TIGIT: variants seen among roughly 807,000 people sequenced by gnomAD.
TIGIT encodes the protein T-cell immunoreceptor with Ig and ITIM domains.
Under a neutral mutation model 19.6 loss-of-function variants are expected in TIGIT, and 11 were observed. The observed-to-expected ratio is 0.56, with a 90% CI of 0.35 to 0.93. TIGIT has a LOEUF of 0.93. Ranked by LOEUF, TIGIT falls within the 40% of genes least tolerant of loss-of-function variation. The pLI is 0.01. For synonymous variants in TIGIT, 130 were observed against 125.5 expected (o/e 1.04, Z -0.24); for missense variants, 295 against 303.9 (o/e 0.97, Z 0.22).
chr3:114,304,922 G>A (rs1308182738), intron 3 of TIGIT, among the ~76,000 whole-genome samples: 4 of 152,100 alleles, frequency 2.6e-5, no homozygotes, highest in Non-Finnish European at 5.9e-5. Flanking sequence ...ATTTACCTAG[G>A]CTTAGAATCA....
At position 114,299,659 on chromosome 3, in the gene TIGIT, G is replaced by A. The variant is rs2078479641; in HGVS notation, c.454G>A (p.Val152Ile). The part of the protein sequence containing the change: ...LLGAMAATLV[V>I]ICTAVIVVVA... ...TGGAGCCATGGCCGCGACGCTGGTG[G>A]TCATCTGCACAGCAGTCATCGTGGT... Residue 152 changes from valine (V) to isoleucine (I), a missense_variant, in exon 3 of 4, where the codon GTC becomes ATC. Transcript: ENST00000383671. 1.9e-6 allele frequency: 3 copies of A among 1,613,382 alleles called. No homozygotes were observed. Among genetic ancestry groups the A allele is most frequent in the Non-Finnish European group, 2.5e-6 (3 of 1,179,982 alleles).
rs61741540 is a variant in TIGIT at position 114,295,753 on chromosome 3, C to T, written c.270C>T (p.Gly90=). ...AGGATCGAGTGGCCCCAGGTCCCGG[C>T]CTGGGCCTCACCCTCCAGTCGCTGA... ...SFKDRVAPGP[G]LGLTLQSLTV... is the part of the protein sequence containing the mutation. The change falls in exon 2 of 4, where the codon GGC becomes GGT. Residue 90 remains glycine (G), a synonymous_variant. Transcript: ENST00000383671. 14,970 of 1,614,174 alleles carry T rather than the reference C, an allele frequency of 9.3e-3. 108 individuals carry two copies. The highest frequency in any genetic ancestry group is 9.7e-3 in the Non-Finnish European group (11,424 of 1,180,032).
chr3:114,294,521 G>A (rs576508546), intron 1 of TIGIT, among the ~76,000 whole-genome samples: 4 of 152,162 alleles, frequency 2.6e-5, no homozygotes, highest in Non-Finnish European at 5.9e-5. Context: ...AATTGAAAAT[G>A]TCTTTTTCAC....
In TIGIT at chr3:114,297,098, G is replaced by A. The variant is rs566791761; in HGVS notation, c.391+1224G>A. On this transcript the variant is annotated intron_variant, in intron 2 of 3. Transcript: ENST00000383671. Reference sequence around the variant, plus strand: ...TTTAGTAGAGACAGGGTTTCTTCACGTTGGTCAGGCTGGTCTCAAACTCCC... The same window carrying A: ...TTTAGTAGAGACAGGGTTTCTTCACATTGGTCAGGCTGGTCTCAAACTCCC... 8.6e-4 allele frequency among the ~76,000 whole-genome samples: 131 copies of A among 151,942 alleles called. 1 individual carries two copies. The highest frequency in any genetic ancestry group is 3.0e-3 in the African/African-American group (123 of 41,426).
chr3:114,308,051 T>C lies in TIGIT; in HGVS notation c.655T>C (p.Cys219Arg), dbSNP rs764231299. 3.1e-6 allele frequency: 5 copies of C among 1,614,102 alleles called. No homozygotes were observed. The highest frequency in any genetic ancestry group is 4.2e-6 in the Non-Finnish European group (5 of 1,180,042). ...GLCGEQRGED[C>R]AELHDYFNVL... is the part of the protein sequence containing the mutation. The stretch of plus-strand genomic sequence containing the variant: ...CTGTGGAGAGCAGCGGGGAGAGGAC[T>C]GTGCCGAGCTGCATGACTACTTCAA... Residue 219 changes from cysteine (C) to arginine (R), a missense_variant, in exon 4 of 4, where the codon TGT (cysteine) becomes CGT (arginine). Cys to Arg is a radical substitution (Grantham distance 180). Coordinates refer to ENST00000383671, the MANE Select transcript of TIGIT (RefSeq NM_173799.4).
At chr3:114,294,484 C>T (rs1303452629) in intron 1 of TIGIT, among the ~76,000 whole-genome samples, 1 of 152,096 alleles carries the variant, frequency 6.6e-6, no homozygotes, top group Non-Finnish European at 1.5e-5. Context: ...CAGGAACTTT[C>T]CAGGAAAACA....
chr3:114,307,471 AG>A (rs1327977026), intron 3 of TIGIT: 1 of 183,764 alleles, frequency 5.4e-6, no homozygotes, highest in East Asian at 1.6e-4. Context: ...CAAAGAGAAA[AG>A]GGGCAGGCCT....
At chr3:114,303,551 G>GTATATATATACATATATATGTA (rs1560033540) in intron 3 of TIGIT, among the ~76,000 whole-genome samples, 6 of 5,768 alleles carry the variant, frequency 1.0e-3, no homozygotes, top group African/African-American at 1.9e-3. Context: ...ACATATATAT[G>GTATATATATACATATATATGTA]TATATATATA....
chr3:114,308,295 C>T lies in TIGIT; in HGVS notation c.*164C>T. 1 of 650,002 alleles carries T rather than the reference C, an allele frequency of 1.5e-6. No individual in the cohort carries two copies. The highest frequency in any genetic ancestry group is 2.7e-6 in the Non-Finnish European group (1 of 372,642). 40.3% of individuals were successfully genotyped at this position (650,002 alleles called of 1,614,324 possible). A position where few individuals can be genotyped will look rare whatever the true frequency, so the allele number is the denominator to read the frequency against. Reference sequence around the variant, plus strand: ...TCATCCTCTTCTCCATCTTCATTTCCTTGGCCTTTTCGTTCTATTCCATTT... The same window carrying T: ...TCATCCTCTTCTCCATCTTCATTTCTTTGGCCTTTTCGTTCTATTCCATTT... On this transcript the variant is annotated 3_prime_UTR_variant, in exon 4 of 4. Coordinates refer to ENST00000383671, the MANE Select transcript of TIGIT (RefSeq NM_173799.4).
intron 3 of TIGIT, among the ~76,000 whole-genome samples, chr3:114,305,799 T>TGGAC (rs1356749356): frequency 6.7e-6 from 1 of 150,342 alleles, no homozygotes; most frequent in Non-Finnish European, 1.5e-5. Context: ...GATGGATGGA[T>TGGAC]GGATGGATGG....
intron 3 of TIGIT, among the ~76,000 whole-genome samples, chr3:114,300,560 C>G (rs569691712): frequency 6.6e-6 from 1 of 152,092 alleles, no homozygotes; most frequent in African/African-American, 2.4e-5. Context: ...TCTTCATTTC[C>G]TTATATATAA....
chr3:114,299,345 G>A (rs946052037), intron 2 of TIGIT, among the ~76,000 whole-genome samples: 4 of 152,116 alleles, frequency 2.6e-5, no homozygotes, highest in Non-Finnish European at 5.9e-5. Context: ...TAGAAGAAAC[G>A]AATGTTAAAA....
intron 1 of TIGIT, among the ~76,000 whole-genome samples, chr3:114,294,535 T>C (rs1260575582): frequency 6.6e-6 from 1 of 152,234 alleles, no homozygotes; most frequent in Non-Finnish European, 1.5e-5. Flanking sequence ...TTTTCACAGA[T>C]TCCAGAGGTT....
In TIGIT at chr3:114,295,681, G is replaced by C. The variant is rs765392530; in HGVS notation, c.198G>C (p.Leu66=). ...ACTGGGAGCAGCAGGACCAGCTTCT[G>C]GCCATTTGTAATGCTGACTTGGGGT... The part of the protein sequence containing the change: ...QVNWEQQDQL[L]AICNADLGWH... The change falls in exon 2 of 4, where the codon CTG becomes CTC. Residue 66 remains leucine, a synonymous_variant. Coordinates refer to ENST00000383671, the MANE Select transcript of TIGIT (RefSeq NM_173799.4). The C allele has an allele frequency of 1.7e-5, 28 of 1,614,196 alleles. No homozygotes were observed. In the Middle Eastern group the frequency reaches 4.9e-4, roughly 29 times the overall value.
intron 2 of TIGIT, among the ~76,000 whole-genome samples, chr3:114,298,202 G>A (rs2078467492): frequency 6.6e-6 from 1 of 152,138 alleles, no homozygotes. Flanking sequence ...GGCTGCTTCT[G>A]TTTCAAAGAC....
Position 114,308,465 on chromosome 3 carries a change from T to G in TIGIT, c.*334T>G, listed in dbSNP as rs1300394938. 4.7e-6 allele frequency: 1 copy of G among 211,252 alleles called. No individual in the cohort carries two copies. The highest frequency in any genetic ancestry group is 9.5e-6 in the Non-Finnish European group (1 of 104,934). 13.1% of individuals were successfully genotyped at this position (211,252 alleles called of 1,614,324 possible). ...ACATTCCTCATAATGGCCAGCATTTTGGGCTACAAGGTTTTGTGGTTGATG... is the reference window on the plus strand; with the variant it reads ...ACATTCCTCATAATGGCCAGCATTTGGGGCTACAAGGTTTTGTGGTTGATG... On this transcript the variant is annotated 3_prime_UTR_variant, in exon 4 of 4. Coordinates refer to ENST00000383671, the MANE Select transcript of TIGIT (RefSeq NM_173799.4).
intron 1 of TIGIT, 24 bp from the exon 2 acceptor site, chr3:114,295,521 C>T: frequency 6.3e-7 from 1 of 1,587,824 alleles, no homozygotes; most frequent in Non-Finnish European, 8.6e-7. Flanking sequence ...CCAGGACTCA[C>T]ATGTGCTTCG....
rs1408769515 is a variant in TIGIT at position 114,309,394 on chromosome 3, T to G, written c.*1263T>G. The G allele has an allele frequency of 6.6e-6, 1 of 152,104 alleles. No homozygotes were observed. The highest frequency in any genetic ancestry group is 2.4e-5 in the African/African-American group (1 of 41,410). The allele number at this position is 152,104 out of a possible 1,614,324, so 9.4% of individuals were successfully genotyped here. A position where few individuals can be genotyped will look rare whatever the true frequency, so the allele number is the denominator to read the frequency against. On this transcript the variant is annotated 3_prime_UTR_variant, in exon 4 of 4. Coordinates refer to ENST00000383671, the MANE Select transcript of TIGIT (RefSeq NM_173799.4). ...CAGAGGAATGAGCGGGGAGGTTGGA[T>G]TTACTGGTGACTGATTTTCTTTCAT...
chr3:114,306,067 T>C (rs2078533101), intron 3 of TIGIT, among the ~76,000 whole-genome samples: 1 of 151,916 alleles, frequency 6.6e-6, no homozygotes, highest in Non-Finnish European at 1.5e-5. Flanking sequence ...TAATTCTCAG[T>C]CCAAGGCTAA....
Sources: gnomAD v4.1 joint callset for allele counts (sites outside exome capture counted in the v4.1 genomes callset) on GRCh38, gnomAD v4.1.1 for gene constraint, MANE v1.5 for transcripts, NCBI Gene and HGNC (gene_info 2026-07-23, HGNC 2026-07-21) for gene names.